PRKD1: variants seen among roughly 807,000 people sequenced by gnomAD.
PRKD1 encodes the protein serine/threonine-protein kinase D1.
PRKD1 carries 63 observed loss-of-function variants against 95.9 expected under a neutral mutation model. The observed-to-expected ratio is 0.66, with a 90% CI of 0.54 to 0.81. PRKD1 has a LOEUF of 0.81. PRKD1 is among the 30% of genes least tolerant of loss of function. The pLI is 0.00. For missense variants in PRKD1, 1,048 were observed against 1,165.3 expected, an observed-to-expected ratio of 0.90 and a Z score of 1.47; for synonymous variants, 425 against 423.1, an observed-to-expected ratio of 1.00 and a Z score of -0.05.
intron 1 of PRKD1, among the ~76,000 whole-genome samples, chr14:29,830,054 T>G (rs1323041700): frequency 6.6e-6 from 1 of 152,222 alleles, no homozygotes; most frequent in Non-Finnish European, 1.5e-5. Flanking sequence ...CAAATGTTCC[T>G]TTTTCTAACA....
At chr14:29,789,574 G>A (rs1889440665) in intron 1 of PRKD1, among the ~76,000 whole-genome samples, 1 of 152,114 alleles carries the variant, frequency 6.6e-6, no homozygotes, top group Non-Finnish European at 1.5e-5. Flanking sequence ...AGTGGGCTTG[G>A]CAGGCTGGTA....
intron 2 of PRKD1, among the ~76,000 whole-genome samples, chr14:29,688,427 T>TG (rs1884009455): frequency 6.6e-6 from 1 of 151,824 alleles, no homozygotes; most frequent in Non-Finnish European, 1.5e-5. Flanking sequence ...ATGAGGTAGG[T>TG]GGGGGCGGGA....
At chr14:29,722,955 G>A (rs1885970337) in intron 2 of PRKD1, among the ~76,000 whole-genome samples, 1 of 152,160 alleles carries the variant, frequency 6.6e-6, no homozygotes, top group Non-Finnish European at 1.5e-5. Context: ...TCAGGGAACA[G>A]GAATGTGCAC....
chr14:29,731,100 G>A (rs974190934), intron 1 of PRKD1, among the ~76,000 whole-genome samples: 4 of 152,078 alleles, frequency 2.6e-5, no homozygotes, highest in African/African-American at 9.7e-5. Context: ...TTCAAAACAT[G>A]ATGTGGTATA....
At chr14:29,787,215 G>GTTTTTTT (rs34161174) in intron 1 of PRKD1, among the ~76,000 whole-genome samples, 20 of 85,222 alleles carry the variant, frequency 2.3e-4, no homozygotes, top group African/African-American at 5.0e-4. Context: ...TTTGTTCAGT[G>GTTTTTTT]TTTTTTTTTT....
rs887098126 is a variant in PRKD1, at chr14:29,675,091, G to A, written c.404-8883C>T. 2.0e-5 allele frequency among the ~76,000 whole-genome samples: 3 copies of A among 152,148 alleles called. No homozygotes were observed. The East Asian group carries it at 5.8e-4, about 29-fold the overall frequency. The stretch of plus-strand genomic sequence containing the variant: ...ACCTGCTGTGTGCAGGAATTGTCCC[G>A]GCTGTGGCTCAGGGGCACTGAAAGG... On this transcript the variant is annotated intron_variant, in intron 2 of 17. Transcript: ENST00000331968.
At chr14:29,630,435 G>T (rs184548174) in intron 10 of PRKD1, 19 of 265,026 alleles carry the variant, frequency 7.2e-5, no homozygotes, top group Non-Finnish European at 1.1e-4. Flanking sequence ...CACTGAGCCC[G>T]GCCAGATTAC....
At chr14:29,681,071 A>C (rs1039420126) in intron 2 of PRKD1, among the ~76,000 whole-genome samples, 5 of 152,246 alleles carry the variant, frequency 3.3e-5, no homozygotes, top group East Asian at 1.9e-4. Context: ...AATGAGAAAC[A>C]AAAAAGGTGA....
chr14:29,901,599 G>A (rs1161631539), intron 1 of PRKD1, among the ~76,000 whole-genome samples: 1 of 151,760 alleles, frequency 6.6e-6, no homozygotes, highest in Non-Finnish European at 1.5e-5. Context: ...ATACAGCATA[G>A]TTCATTAATT....
intron 1 of PRKD1, among the ~76,000 whole-genome samples, chr14:29,763,101 A>G (rs1486110998): frequency 6.8e-6 from 1 of 147,290 alleles, no homozygotes; most frequent in Non-Finnish European, 1.5e-5. Flanking sequence ...CCTGGGCAAC[A>G]CAGAAAAACC....
intron 1 of PRKD1, among the ~76,000 whole-genome samples, chr14:29,732,320 TG>T (rs1221851029): frequency 6.6e-6 from 1 of 152,144 alleles, no homozygotes; most frequent in East Asian, 1.9e-4. Context: ...TATTATTTGT[TG>T]ATACTTCTTT....
chr14:29,599,567 T>A (rs1893437653), intron 14 of PRKD1, 89 bp downstream of exon 14: 2 of 1,313,532 alleles, frequency 1.5e-6, no homozygotes, highest in South Asian at 1.4e-5. Context: ...AGGTAGGGAC[T>A]AAACAACAAG....
chr14:29,680,556 G>A (rs531576017), intron 2 of PRKD1, among the ~76,000 whole-genome samples: 2 of 152,288 alleles, frequency 1.3e-5, no homozygotes, highest in South Asian at 4.1e-4. Flanking sequence ...TATTGTTGGA[G>A]TTGTTTTAGG....
chr14:29,719,644 C>G (rs190075021), intron 2 of PRKD1, among the ~76,000 whole-genome samples: 1 of 152,306 alleles, frequency 6.6e-6, no homozygotes, highest in Admixed American at 6.5e-5. Context: ...TATAGCTTTT[C>G]AAATATCTGA....
chr14:29,700,975 T>TGCGCGCGCGCGC (rs750081427), intron 2 of PRKD1, among the ~76,000 whole-genome samples: 16 of 62,940 alleles, frequency 2.5e-4, no homozygotes, highest in East Asian at 1.9e-3. Flanking sequence ...CGCGTGCGCA[T>TGCGCGCGCGCGC]GCGCGCGCGC....
At chr14:29,717,825 T>G (rs1886828857) in intron 2 of PRKD1, among the ~76,000 whole-genome samples, 1 of 152,194 alleles carries the variant, frequency 6.6e-6, no homozygotes, top group Non-Finnish European at 1.5e-5. Context: ...CGGGTTTGTC[T>G]TATTCCCCAG....
At chr14:29,712,527 G>A (rs1885384156) in intron 2 of PRKD1, among the ~76,000 whole-genome samples, 1 of 152,114 alleles carries the variant, frequency 6.6e-6, no homozygotes, top group Non-Finnish European at 1.5e-5. Flanking sequence ...TAAAATGTAT[G>A]TACTAAAGAA....
chr14:29,920,847 A>C (rs892009599), intron 1 of PRKD1, among the ~76,000 whole-genome samples: 1 of 152,214 alleles, frequency 6.6e-6, no homozygotes, highest in Non-Finnish European at 1.5e-5. Flanking sequence ...ACATTTCTGC[A>C]TATGCACAAC....
chr14:29,899,389 G>C (rs942309113), intron 1 of PRKD1, among the ~76,000 whole-genome samples: 1 of 152,168 alleles, frequency 6.6e-6, no homozygotes, highest in Non-Finnish European at 1.5e-5. Context: ...GCTCACACCT[G>C]TAATCTCAGC....
Sources: allele counts gnomAD v4.1 joint callset (sites outside exome capture counted in the v4.1 genomes callset), GRCh38; gene constraint gnomAD v4.1.1; transcripts MANE v1.5; gene names NCBI Gene and HGNC (gene_info 2026-07-23, HGNC 2026-07-21).